Variants in DEPDC1B observed in about 807,000 individuals in gnomAD.
DEPDC1B encodes the protein DEP domain containing 1B.
A neutral mutation model predicts 66.5 loss-of-function variants in DEPDC1B; 51 were observed. That is an observed-to-expected ratio of 0.77 (90% CI 0.61 to 0.97). The LOEUF is 0.97. Among genes scored for constraint, DEPDC1B ranks in the 50% least tolerant of loss-of-function variants. The probability of loss-of-function intolerance (pLI) is 0.00; values close to 1 mark genes in which losing one functional copy is unlikely to be tolerated. For missense variants in DEPDC1B, 552 were observed against 637.1 expected, an observed-to-expected ratio of 0.87 and a Z score of 1.44; for synonymous variants, 226 against 223.6, an observed-to-expected ratio of 1.01 and a Z score of -0.10.
At chr5:60,598,161 T>A (rs1444345634) in intron 10 of DEPDC1B, among the ~76,000 whole-genome samples, 1 of 152,184 alleles carries the variant, frequency 6.6e-6, no homozygotes, top group Non-Finnish European at 1.5e-5. Context: ...ACCTCACTTT[T>A]TATATATTCA....
At chr5:60,648,824 G>C (rs773110935) in intron 2 of DEPDC1B, among the ~76,000 whole-genome samples, 12 of 152,138 alleles carry the variant, frequency 7.9e-5, no homozygotes, top group Non-Finnish European at 1.5e-4. Flanking sequence ...TAAACTAAAT[G>C]AATCTCTATA....
intron 2 of DEPDC1B, among the ~76,000 whole-genome samples, chr5:60,653,874 C>T (rs1433865215): frequency 6.7e-6 from 1 of 148,482 alleles, no homozygotes; most frequent in Admixed American, 6.7e-5. Flanking sequence ...CCTTTCCCCA[C>T]TTTATGTTTT....
chr5:60,606,005 T>A (rs949193381), intron 7 of DEPDC1B, 149 bp from the exon 8 acceptor site: 2 of 645,146 alleles, frequency 3.1e-6, no homozygotes, highest in Non-Finnish European at 4.8e-6. Flanking sequence ...TATAGATCCA[T>A]TGTCACTCAC....
chr5:60,665,823 G>A (rs533863017), intron 2 of DEPDC1B, among the ~76,000 whole-genome samples: 150 of 152,248 alleles, frequency 9.9e-4, no homozygotes, highest in Non-Finnish European at 1.8e-3. Flanking sequence ...AACTAATCAC[G>A]TAGTAAAGAG....
chr5:60,605,593 T>C (rs1277287564), intron 8 of DEPDC1B, 97 bp downstream of exon 8: 1 of 1,360,532 alleles, frequency 7.4e-7, no homozygotes, highest in Non-Finnish European at 9.9e-7. Context: ...TTTAAGCAAG[T>C]CTGCTTTGTA....
chr5:60,677,837 A>G (rs1754206309), intron 2 of DEPDC1B, among the ~76,000 whole-genome samples: 2 of 152,266 alleles, frequency 1.3e-5, no homozygotes, highest in Admixed American at 1.3e-4. Context: ...CGATGAAATG[A>G]GTAAAAACAA....
chr5:60,628,506 G>A (rs1013246549), intron 7 of DEPDC1B: 1 of 152,034 alleles, frequency 6.6e-6, no homozygotes, highest in African/African-American at 2.4e-5. Context: ...TAAAAAAAAA[G>A]TCACAGTTTC....
chr5:60,657,806 CT>C (rs1753612368), intron 2 of DEPDC1B, among the ~76,000 whole-genome samples: 2 of 152,290 alleles, frequency 1.3e-5, no homozygotes, highest in South Asian at 4.1e-4. Context: ...CCCAGATGTT[CT>C]TTGAGCTTCT....
intron 2 of DEPDC1B, among the ~76,000 whole-genome samples, chr5:60,672,329 T>C (rs1227183214): frequency 6.6e-6 from 1 of 152,180 alleles, no homozygotes; most frequent in Non-Finnish European, 1.5e-5. Flanking sequence ...CTGGGTAGTT[T>C]ATAAAGAAAA....
intron 7 of DEPDC1B, among the ~76,000 whole-genome samples, chr5:60,611,572 G>A (rs979150701): frequency 1.3e-5 from 2 of 152,226 alleles, no homozygotes; most frequent in Non-Finnish European, 2.9e-5. Context: ...AGAGACTAAA[G>A]TGCCACTCCA....
At chr5:60,617,385 G>A (rs961069164) in intron 7 of DEPDC1B, among the ~76,000 whole-genome samples, 1 of 152,090 alleles carries the variant, frequency 6.6e-6, no homozygotes, top group African/African-American at 2.4e-5. Flanking sequence ...GCTGTATTCA[G>A]GAAACCCATC....
At position 60,700,138 on chromosome 5, in the gene DEPDC1B, C is replaced by G. The variant is rs1411993436; in HGVS notation, c.-45G>C. 3.9e-6 allele frequency: 6 copies of G among 1,527,684 alleles called. No homozygotes were observed. Among genetic ancestry groups the G allele is most frequent in the Non-Finnish European group, 5.3e-6 (6 of 1,141,276 alleles). 94.6% of individuals were successfully genotyped at this position (1,527,684 alleles called of 1,614,324 possible). A position where few individuals can be genotyped will look rare whatever the true frequency, so the allele number is the denominator to read the frequency against. ...CCGCAGCCGCGCCAGCGCTGATCCCCGCCAGCCGGAGGAGCAGCAGTTTGA... is the reference window on the plus strand; with the variant it reads ...CCGCAGCCGCGCCAGCGCTGATCCCGGCCAGCCGGAGGAGCAGCAGTTTGA... On this transcript the variant is annotated 5_prime_UTR_variant, in exon 1 of 11. Coordinates refer to ENST00000265036, the MANE Select transcript of DEPDC1B (RefSeq NM_018369.3).
At chr5:60,602,621 T>C (rs537217242) in intron 9 of DEPDC1B, among the ~76,000 whole-genome samples, 3 of 152,272 alleles carry the variant, frequency 2.0e-5, no homozygotes, top group African/African-American at 7.2e-5. Flanking sequence ...TAATATATTA[T>C]ATTTCTTTTG....
intron 2 of DEPDC1B, among the ~76,000 whole-genome samples, chr5:60,685,417 C>T (rs1317270879): frequency 1.3e-5 from 2 of 151,806 alleles, no homozygotes; most frequent in Non-Finnish European, 2.9e-5. Flanking sequence ...AAATACTGCT[C>T]CATTTATGAC....
At chr5:60,676,200 G>A (rs896215426) in intron 2 of DEPDC1B, among the ~76,000 whole-genome samples, 2 of 150,616 alleles carry the variant, frequency 1.3e-5, no homozygotes, top group African/African-American at 2.4e-5. Flanking sequence ...AAAGTGCTGC[G>A]ACTACAGGCG....
At chr5:60,624,355 A>T (rs925714989) in intron 7 of DEPDC1B, among the ~76,000 whole-genome samples, 2 of 152,106 alleles carry the variant, frequency 1.3e-5, no homozygotes, top group Admixed American at 1.3e-4. Flanking sequence ...CTTGGCCATG[A>T]TGTATTATTG....
intron 7 of DEPDC1B, among the ~76,000 whole-genome samples, chr5:60,629,896 G>A (rs778197133): frequency 1.3e-5 from 2 of 151,964 alleles, no homozygotes; most frequent in African/African-American, 2.4e-5. Context: ...ACTTGTTTTT[G>A]CTTTTGTTAG....
intron 7 of DEPDC1B, among the ~76,000 whole-genome samples, chr5:60,613,824 G>GTA (rs1187415416): frequency 2.6e-4 from 34 of 132,626 alleles, no homozygotes; most frequent in African/African-American, 9.5e-4. Flanking sequence ...GTGTGTGTGT[G>GTA]TGTGTATACA....
chr5:60,668,257 T>TTATATATATATATATAAAATGGATATTA (rs1753947181), intron 2 of DEPDC1B, among the ~76,000 whole-genome samples: 1 of 85,862 alleles, frequency 1.2e-5, no homozygotes, highest in African/African-American at 6.7e-5. Context: ...AAAATGGATA[T>TTATATATATATATATAAAATGGATATTA]TATATATATA....
Sources: gnomAD v4.1 joint callset for allele counts (sites outside exome capture counted in the v4.1 genomes callset) on GRCh38, gnomAD v4.1.1 for gene constraint, MANE v1.5 for transcripts, NCBI Gene and HGNC (gene_info 2026-07-23, HGNC 2026-07-21) for gene names.